TRAF3IP3: variants seen among roughly 807,000 people sequenced by gnomAD.
TRAF3IP3 encodes TRAF3-interacting JNK-activating modulator.
Under a neutral mutation model 86.5 loss-of-function variants are expected in TRAF3IP3, and 64 were observed. The observed-to-expected ratio is 0.74, with a 90% CI of 0.60 to 0.91. The LOEUF (loss-of-function observed/expected upper bound fraction) is 0.91, where lower values mean the gene tolerates loss of function less well. TRAF3IP3 is among the 40% of genes least tolerant of loss of function. The pLI is 0.00. For missense variants in TRAF3IP3, 579 were observed against 642.9 expected (o/e 0.90, Z 1.07); for synonymous variants, 220 against 243.9 (o/e 0.90, Z 0.91).
chr1:209,765,780 T>C (rs955704621), intron 8 of TRAF3IP3, among the ~76,000 whole-genome samples: 1 of 152,232 alleles, frequency 6.6e-6, no homozygotes, highest in African/African-American at 2.4e-5. Context: ...AAAAGACAGC[T>C]AGCTTCTCAA....
intron 9 of TRAF3IP3, among the ~76,000 whole-genome samples, chr1:209,775,011 G>T (rs1275253552): frequency 2.0e-5 from 3 of 152,136 alleles, no homozygotes; most frequent in African/African-American, 7.2e-5. Context: ...GAAAAGCCTG[G>T]ATGGATGATG....
At chr1:209,759,229 A>T (rs2077203404) in intron 2 of TRAF3IP3, 95 bp downstream of exon 2, 1 of 152,264 alleles carries the variant, frequency 6.6e-6, no homozygotes, top group African/African-American at 2.4e-5. Flanking sequence ...CATGTGGCAG[A>T]TGCTCAGTCA....
Position 209,778,145 on chromosome 1 carries a change from C to T in TRAF3IP3, c.1224C>T (p.Thr408=). Reference sequence around the variant, plus strand: ...AAAGGTCAGAGGCAGAGAAACTCACCCTGGTGACCAGAGTACAGCAGTTGC... The same window carrying T: ...AAAGGTCAGAGGCAGAGAAACTCACTCTGGTGACCAGAGTACAGCAGTTGC... ...QLKRSEAEKL[T]LVTRVQQLQG... Residue 408 remains threonine (T), a synonymous_variant, in exon 13 of 17, where the codon ACC becomes ACT. Coordinates refer to ENST00000367025, the MANE Select transcript of TRAF3IP3 (RefSeq NM_025228.4). 2 of 1,614,048 alleles carry T rather than the reference C, an allele frequency of 1.2e-6. No homozygotes were observed. The highest frequency in any genetic ancestry group is 1.6e-4 in the Middle Eastern group (1 of 6,062).
At chr1:209,762,434 G>A in intron 3 of TRAF3IP3, 81 bp from the exon 4 acceptor site, 1 of 1,373,408 alleles carries the variant, frequency 7.3e-7, no homozygotes, top group Non-Finnish European at 9.5e-7. Context: ...ATGATGGTTA[G>A]TTCTTCCTTC....
chr1:209,773,884 C>G (rs1202393133), intron 9 of TRAF3IP3, among the ~76,000 whole-genome samples: 1 of 152,236 alleles, frequency 6.6e-6, no homozygotes, highest in African/African-American at 2.4e-5. Context: ...CAGTGCCCAG[C>G]ATGGATGGTC....
At chr1:209,774,213 C>G (rs2077605439) in intron 9 of TRAF3IP3, among the ~76,000 whole-genome samples, 1 of 152,202 alleles carries the variant, frequency 6.6e-6, no homozygotes, top group African/African-American at 2.4e-5. Context: ...GCTTGTGTCT[C>G]CTTAATCCTG....
At chr1:209,757,264 T>C (rs1241388775) in intron 1 of TRAF3IP3, among the ~76,000 whole-genome samples, 1 of 152,206 alleles carries the variant, frequency 6.6e-6, no homozygotes, top group Non-Finnish European at 1.5e-5. Context: ...TGTGTTTCAG[T>C]GGACTAAGGT....
intron 9 of TRAF3IP3, among the ~76,000 whole-genome samples, chr1:209,774,741 A>T (rs546153188): frequency 6.6e-6 from 1 of 152,328 alleles, no homozygotes; most frequent in South Asian, 2.1e-4. Flanking sequence ...AAGTGGCAAG[A>T]TCAGATTTGC....
At chr1:209,779,446 C>CTACA (rs747211446) in intron 14 of TRAF3IP3, 72 bp downstream of exon 14, 1 of 1,326,992 alleles carries the variant, frequency 7.5e-7, no homozygotes, top group Non-Finnish European at 1.1e-6. Flanking sequence ...GCGGGATGGA[C>CTACA]TACATGACCT....
intron 4 of TRAF3IP3, 49 bp from the exon 5 acceptor site, chr1:209,762,764 C>T: frequency 7.8e-7 from 1 of 1,275,336 alleles, no homozygotes; most frequent in Non-Finnish European, 1.1e-6. Context: ...CCCCACTTCC[C>T]TCACTTCCTC....
At chr1:209,782,015 C>T in intron 16 of TRAF3IP3, 41 bp from the exon 17 acceptor site, 1 of 1,515,964 alleles carries the variant, frequency 6.6e-7, no homozygotes, top group Non-Finnish European at 9.2e-7. Context: ...TTTTCCAATC[C>T]ACTCATGGCC....
At chr1:209,766,576 A>C (rs2077360444) in intron 8 of TRAF3IP3, among the ~76,000 whole-genome samples, 1 of 152,242 alleles carries the variant, frequency 6.6e-6, no homozygotes, top group Admixed American at 6.5e-5. Context: ...TAAAGGAAGG[A>C]AACCTGGCCA....
intron 14 of TRAF3IP3, 95 bp downstream of exon 14, chr1:209,779,469 G>GAACTGGCTGGGACT: frequency 9.3e-7 from 1 of 1,069,574 alleles, no homozygotes; most frequent in Non-Finnish European, 1.4e-6. Flanking sequence ...TGGAGTCCCA[G>GAACTGGCTGGGACT]CCAGTTCTGG....
At position 209,779,625 on chromosome 1, in the gene TRAF3IP3, G is replaced by A. The variant is rs2102518993; in HGVS notation, c.1312+251G>A. The A allele has an allele frequency of 4.9e-6, 3 of 614,452 alleles. No individual in the cohort carries two copies. In the East Asian group the frequency reaches 8.3e-5, roughly 17 times the overall value. The allele number at this position is 614,452 out of a possible 1,614,324, so 38.1% of individuals were successfully genotyped here. A position where few individuals can be genotyped will look rare whatever the true frequency, so the allele number is the denominator to read the frequency against. Reference sequence around the variant, plus strand: ...CTCTCTGAAAGCACATGTCTGTGTTGAACATTTCAATAAATTTATTTTGAA... The same window carrying A: ...CTCTCTGAAAGCACATGTCTGTGTTAAACATTTCAATAAATTTATTTTGAA... On this transcript the variant is annotated intron_variant, in intron 14 of 16. Transcript: ENST00000367025.
At position 209,775,340 on chromosome 1, in the gene TRAF3IP3, A is replaced by T; in HGVS notation, c.775-9A>T. On this transcript the variant is annotated splice_polypyrimidine_tract_variant and intron_variant, in intron 9 of 16. Transcript: ENST00000367025. ...AATGTGTATTTGTTGAATTGCATCA[A>T]ATTTACAGAAATACTCCCCTTGGGG... is the stretch of plus-strand genomic sequence containing the variant. The T allele has an allele frequency of 1.9e-6, 3 of 1,605,882 alleles. No homozygotes were observed. The highest frequency in any genetic ancestry group is 2.6e-6 in the Non-Finnish European group (3 of 1,175,654).
rs183389835 is a variant in TRAF3IP3 at position 209,772,558 on chromosome 1, A to C, written c.703-390A>C. ...GACTGCGTTAGCCTCACTGGCCTAC[A>C]TTTTACAGGGAAAAGTCCACGTACA... On this transcript the variant is annotated intron_variant, in intron 8 of 16. Transcript: ENST00000367025. Among the ~76,000 whole-genome samples, 415 of 152,234 alleles carry C rather than the reference A, an allele frequency of 2.7e-3. 6 individuals carry two copies. Among genetic ancestry groups the C allele is most frequent in the Middle Eastern group, 0.02 (6 of 294 alleles).
intron 11 of TRAF3IP3, 96 bp from the exon 12 acceptor site, chr1:209,777,256 A>T: frequency 8.7e-7 from 1 of 1,145,302 alleles, no homozygotes; most frequent in Non-Finnish European, 1.2e-6. Flanking sequence ...CTAAAATTCC[A>T]GACTTTTCTA....
chr1:209,774,531 G>A (rs2077612728), intron 9 of TRAF3IP3, among the ~76,000 whole-genome samples: 1 of 152,206 alleles, frequency 6.6e-6, no homozygotes, highest in Admixed American at 6.5e-5. Context: ...AGTATTAGTA[G>A]AAGTTAACTG....
chr1:209,769,584 T>C (rs1558017463), intron 8 of TRAF3IP3, among the ~76,000 whole-genome samples: 1 of 152,224 alleles, frequency 6.6e-6, no homozygotes, highest in African/African-American at 2.4e-5. Flanking sequence ...CTGGCTCCCA[T>C]GGTTAGAAGA....
Sources: gnomAD v4.1 joint callset for allele counts (sites outside exome capture counted in the v4.1 genomes callset) on GRCh38, gnomAD v4.1.1 for gene constraint, MANE v1.5 for transcripts, NCBI Gene and HGNC (gene_info 2026-07-23, HGNC 2026-07-21) for gene names.